TBL1X: variants seen among roughly 807,000 people sequenced by gnomAD.
TBL1X encodes the protein F-box-like/WD repeat-containing protein TBL1X.
A neutral mutation model predicts 50.7 loss-of-function variants in TBL1X; 10 were observed. The observed-to-expected ratio is 0.20, with a 90% confidence interval of 0.12 to 0.33. The LOEUF (loss-of-function observed/expected upper bound fraction) is 0.33, where lower values mean the gene tolerates loss of function less well. TBL1X is among the 10% of genes least tolerant of loss of function. TBL1X has a pLI of 1.00. For missense variants in TBL1X, 340 were observed against 504.4 expected (o/e 0.67, Z 3.12); for synonymous variants, 190 against 214.7 (o/e 0.88, Z 1.01).
intron 2 of TBL1X, among the ~76,000 whole-genome samples, chrX:9,522,165 G>C (rs997237409): frequency 9.1e-6 from 1 of 109,623 alleles, no homozygotes; most frequent in Non-Finnish European, 1.9e-5. Flanking sequence ...CCACAGGCAT[G>C]AGCTACTTTG....
chrX:9,606,077 C>T (rs913399157), intron 2 of TBL1X, among the ~76,000 whole-genome samples: 13 of 112,279 alleles, frequency 1.2e-4, no homozygotes, highest in Admixed American at 1.1e-3. Flanking sequence ...TTGCAGCCTG[C>T]GCTGCAGCCT....
intron 2 of TBL1X, among the ~76,000 whole-genome samples, chrX:9,554,169 C>T (rs771429699): frequency 4.5e-4 from 51 of 112,649 alleles, no homozygotes; most frequent in African/African-American, 1.4e-3. Flanking sequence ...GCATGAGCTA[C>T]GGTGCCCAGT....
At chrX:9,570,678 GTTT>G (rs5901405) in intron 2 of TBL1X, among the ~76,000 whole-genome samples, 1 of 46,309 alleles carries the variant, frequency 2.2e-5, no homozygotes. Flanking sequence ...TTTTCTTTTT[GTTT>G]TTTTTTTTTT....
At chrX:9,546,374 C>A (rs2082242208) in intron 2 of TBL1X, among the ~76,000 whole-genome samples, 1 of 111,429 alleles carries the variant, frequency 9.0e-6, no homozygotes, top group Non-Finnish European at 1.9e-5. Flanking sequence ...ATTAGCTGGG[C>A]GTGGTGGCGG....
chrX:9,633,062 A>G (rs764836270), intron 2 of TBL1X, among the ~76,000 whole-genome samples: 37 of 112,533 alleles, frequency 3.3e-4, no homozygotes, highest in African/African-American at 1.2e-3. Context: ...TGGGACAAGC[A>G]ATTTTTATCA....
chrX:9,697,779 C>G (rs759257712), intron 12 of TBL1X, among the ~76,000 whole-genome samples: 2 of 111,446 alleles, frequency 1.8e-5, no homozygotes, highest in African/African-American at 6.5e-5. Context: ...TCAAAAACTA[C>G]TAATAATAAT....
intron 15 of TBL1X, among the ~76,000 whole-genome samples, chrX:9,710,085 C>T (rs928072608): frequency 9.1e-6 from 1 of 110,395 alleles, no homozygotes; most frequent in Non-Finnish European, 1.9e-5. Context: ...GGCGTGGTGA[C>T]GTGTGCCTGT....
intron 2 of TBL1X, among the ~76,000 whole-genome samples, chrX:9,638,386 A>G (rs1295921415): frequency 8.9e-6 from 1 of 112,388 alleles, no homozygotes; most frequent in Non-Finnish European, 1.9e-5. Context: ...TGGGGAAATC[A>G]GTAATGACCA....
At chrX:9,554,392 A>G (rs2082285259) in intron 2 of TBL1X, among the ~76,000 whole-genome samples, 1 of 112,486 alleles carries the variant, frequency 8.9e-6, no homozygotes, top group Non-Finnish European at 1.9e-5. Context: ...GACACATTTT[A>G]TGCATTTTAG....
chrX:9,513,964 C>T (rs2082069297), intron 2 of TBL1X, among the ~76,000 whole-genome samples: 2 of 109,599 alleles, frequency 1.8e-5, no homozygotes, highest in Non-Finnish European at 3.8e-5. Context: ...CTTGCATGAA[C>T]TGAGGGAACT....
intron 13 of TBL1X, among the ~76,000 whole-genome samples, chrX:9,706,819 T>A (rs2083210898): frequency 9.0e-6 from 1 of 111,201 alleles, no homozygotes; most frequent in Non-Finnish European, 1.9e-5. Context: ...CCAAGCACCT[T>A]GCCCCGCGCT....
chrX:9,466,914 A>G (rs969373534), intron 1 of TBL1X, among the ~76,000 whole-genome samples: 7 of 112,076 alleles, frequency 6.2e-5, no homozygotes, highest in African/African-American at 2.3e-4. Flanking sequence ...CCGGCCCTTA[A>G]GGCGATTCCA....
chrX:9,600,938 A>G (rs1426054944), intron 2 of TBL1X, among the ~76,000 whole-genome samples: 2 of 111,778 alleles, frequency 1.8e-5, no homozygotes, highest in African/African-American at 6.5e-5. Context: ...TCCAGAGGTG[A>G]TCTTCTTGGA....
chrX:9,650,401 G>A (rs1415495835), intron 3 of TBL1X, among the ~76,000 whole-genome samples: 3 of 111,801 alleles, frequency 2.7e-5, no homozygotes, highest in African/African-American at 9.8e-5. Flanking sequence ...AAACAAGAAG[G>A]GCAGCTGGGA....
At chrX:9,699,972 G>T (rs751901552) in intron 12 of TBL1X, among the ~76,000 whole-genome samples, 1 of 112,148 alleles carries the variant, frequency 8.9e-6, no homozygotes, top group South Asian at 3.7e-4. Context: ...GGTAGCACGT[G>T]TACTAGGTCC....
intron 5 of TBL1X, among the ~76,000 whole-genome samples, chrX:9,668,082 A>G (rs2082940477): frequency 8.9e-6 from 1 of 112,288 alleles, no homozygotes. Flanking sequence ...TAAATATGTT[A>G]TTAGTATGTG....
chrX:9,535,986 G>A (rs929960691), intron 2 of TBL1X, among the ~76,000 whole-genome samples: 2 of 111,837 alleles, frequency 1.8e-5, no homozygotes, highest in East Asian at 5.6e-4. Flanking sequence ...AAATCGATCA[G>A]CCTGAATCCA....
chrX:9,484,676 G>A (rs903022168), intron 1 of TBL1X, among the ~76,000 whole-genome samples: 1 of 110,203 alleles, frequency 9.1e-6, no homozygotes, highest in South Asian at 3.9e-4. Context: ...GAATGTTTGG[G>A]TTGTTTGTTT....
intron 5 of TBL1X, among the ~76,000 whole-genome samples, chrX:9,659,199 G>A (rs1291425861): frequency 8.9e-6 from 1 of 112,272 alleles, no homozygotes; most frequent in African/African-American, 3.2e-5. Flanking sequence ...GAGCTGGCTT[G>A]AGCATAGTCA....
Sources: gnomAD v4.1 joint callset for allele counts (sites outside exome capture counted in the v4.1 genomes callset) on GRCh38, gnomAD v4.1.1 for gene constraint, MANE v1.5 for transcripts, NCBI Gene and HGNC (gene_info 2026-07-23, HGNC 2026-07-21) for gene names.